HPSE2: variants seen among roughly 807,000 people sequenced by gnomAD.
The protein encoded by HPSE2 is inactive heparanase-2.
Under a neutral mutation model 60.5 loss-of-function variants are expected in HPSE2, and 38 were observed. The observed-to-expected ratio is 0.63, with a 90% CI of 0.48 to 0.82. The LOEUF (loss-of-function observed/expected upper bound fraction) is 0.82. HPSE2 is among the 40% of genes least tolerant of loss of function. HPSE2 has a pLI of 0.00. For synonymous variants in HPSE2, 295 were observed against 293.2 expected (o/e 1.01, Z -0.06); for missense variants, 713 against 740.4 (o/e 0.96, Z 0.43).
intron 7 of HPSE2, among the ~76,000 whole-genome samples, chr10:98,639,103 C>T (rs1052340939): frequency 1.3e-5 from 2 of 152,120 alleles, no homozygotes; most frequent in East Asian, 3.9e-4. Flanking sequence ...TAATGTGATG[C>T]CATGTGACTT....
rs777954128 is a variant in HPSE2, at chr10:98,461,771, A to G, written c.1614-2032T>C. On this transcript the variant is annotated intron_variant, in intron 11 of 11. Coordinates refer to ENST00000370552, the MANE Select transcript of HPSE2 (RefSeq NM_021828.5). ...AAACCTTTCTTCTGAAGAATTAGGT[A>G]ATGCCCTTTTAGATTCAGATGATCC... 10 of 1,585,780 alleles carry G rather than the reference A, an allele frequency of 6.3e-6. No individual in the cohort carries two copies. The South Asian group carries it at 1.2e-4, about 18-fold the overall frequency.
chr10:98,469,910 C>G (rs1183622170), intron 11 of HPSE2, among the ~76,000 whole-genome samples: 4 of 152,254 alleles, frequency 2.6e-5, no homozygotes, highest in Non-Finnish European at 5.9e-5. Context: ...ATTCATCTCT[C>G]TCTTTCTCAT....
At chr10:98,937,894 C>A (rs146105731) in intron 3 of HPSE2, among the ~76,000 whole-genome samples, 3,168 of 143,372 alleles carry the variant, frequency 0.022, 419 homozygotes, top group East Asian at 0.17. Flanking sequence ...GACAAAACTT[C>A]CAGAGGAACG....
At chr10:98,547,712 G>A (rs1943733410) in intron 9 of HPSE2, among the ~76,000 whole-genome samples, 1 of 150,342 alleles carries the variant, frequency 6.7e-6, no homozygotes, top group South Asian at 2.1e-4. Flanking sequence ...GCTAAATGAC[G>A]AGTTAATGGG....
intron 10 of HPSE2, among the ~76,000 whole-genome samples, chr10:98,485,032 AC>A (rs1398339629): frequency 3.9e-5 from 6 of 152,126 alleles, no homozygotes; most frequent in African/African-American, 1.4e-4. Flanking sequence ...TAGAAATAAC[AC>A]CCCTCCATCC....
chr10:98,672,651 C>T (rs1360541257), intron 6 of HPSE2, among the ~76,000 whole-genome samples: 1 of 152,150 alleles, frequency 6.6e-6, no homozygotes, highest in African/African-American at 2.4e-5. Context: ...AAACGTCTAT[C>T]AGAGTAAATG....
rs539693724 is a variant in HPSE2 at position 98,488,481 on chromosome 10, A to T, written c.1466+1570T>A. Among the ~76,000 whole-genome samples the T allele has an allele frequency of 8.5e-4, 129 of 152,314 alleles. 1 individual carries two copies. Among genetic ancestry groups the T allele is most frequent in the Non-Finnish European group, 2.9e-4 (20 of 68,026 alleles). The stretch of plus-strand genomic sequence containing the variant: ...ATATTAATGACAACTTCCCATGAGG[A>T]TGTTAAAGAATGAGGATGAACACTC... On this transcript the variant is annotated intron_variant, in intron 10 of 11. Coordinates refer to ENST00000370552, the MANE Select transcript of HPSE2 (RefSeq NM_021828.5).
At chr10:99,232,962 T>C (rs1365349233) in intron 1 of HPSE2, among the ~76,000 whole-genome samples, 2 of 152,260 alleles carry the variant, frequency 1.3e-5, no homozygotes, top group African/African-American at 2.4e-5. Context: ...AAAGCCGGCA[T>C]TGCCTCCGCA....
intron 6 of HPSE2, among the ~76,000 whole-genome samples, chr10:98,650,563 C>T (rs1276461995): frequency 6.6e-6 from 1 of 152,126 alleles, no homozygotes; most frequent in Admixed American, 6.5e-5. Context: ...GAGTGTCTAC[C>T]AGTGATTGGT....
At chr10:98,662,323 T>A (rs1343286431) in intron 6 of HPSE2, among the ~76,000 whole-genome samples, 1 of 152,154 alleles carries the variant, frequency 6.6e-6, no homozygotes, top group Non-Finnish European at 1.5e-5. Context: ...ACAGTGAACA[T>A]ACATGAATTA....
chr10:98,830,820 G>T (rs1009190536), intron 3 of HPSE2, among the ~76,000 whole-genome samples: 1 of 152,146 alleles, frequency 6.6e-6, no homozygotes, highest in African/African-American at 2.4e-5. Context: ...TAATCAATGG[G>T]AAAGGAAGGC....
At chr10:98,486,426 A>G (rs1234122312) in intron 10 of HPSE2, among the ~76,000 whole-genome samples, 5 of 151,750 alleles carry the variant, frequency 3.3e-5, no homozygotes, top group African/African-American at 1.2e-4. Context: ...CCCATGTCTC[A>G]CTCATGGGTG....
intron 3 of HPSE2, among the ~76,000 whole-genome samples, chr10:98,967,300 G>A (rs1202018710): frequency 1.3e-5 from 2 of 152,176 alleles, no homozygotes; most frequent in African/African-American, 4.8e-5. Context: ...TTATGATACT[G>A]TAGAATGCTA....
chr10:99,043,483 T>C (rs1399076430), intron 3 of HPSE2, among the ~76,000 whole-genome samples: 1 of 152,030 alleles, frequency 6.6e-6, no homozygotes, highest in Non-Finnish European at 1.5e-5. Context: ...AGAGTGAGAC[T>C]CCATCTCATA....
intron 3 of HPSE2, among the ~76,000 whole-genome samples, chr10:99,063,324 C>T (rs1401970147): frequency 6.6e-6 from 1 of 151,180 alleles, no homozygotes; most frequent in East Asian, 1.9e-4. Flanking sequence ...ATACAAACAA[C>T]ACACACACAG....
intron 3 of HPSE2, among the ~76,000 whole-genome samples, chr10:99,071,069 C>CTTTT (rs35699449): frequency 7.5e-6 from 1 of 132,594 alleles, no homozygotes; most frequent in African/African-American, 2.8e-5. Flanking sequence ...ATTTTTAATT[C>CTTTT]TTTTTTTTTT....
chr10:98,721,611 CATTAA>C (rs1467109571), intron 5 of HPSE2, 41 bp downstream of exon 5: 1 of 1,524,010 alleles, frequency 6.6e-7, no homozygotes, highest in Non-Finnish European at 9.1e-7. Flanking sequence ...TACATTAATT[CATTAA>C]ATGAACAATG....
intron 3 of HPSE2, among the ~76,000 whole-genome samples, chr10:99,045,373 C>T (rs138190208): frequency 9.9e-5 from 15 of 152,048 alleles, no homozygotes; most frequent in African/African-American, 3.4e-4. Context: ...AGAGGAAATG[C>T]CTTTGAGAAG....
intron 9 of HPSE2, among the ~76,000 whole-genome samples, chr10:98,492,481 A>G (rs887679484): frequency 2.7e-5 from 4 of 150,576 alleles, no homozygotes; most frequent in Admixed American, 6.6e-5. Context: ...CAGCCTGGGC[A>G]ACAGAACGAG....
Sources: gnomAD v4.1 joint callset for allele counts (sites outside exome capture counted in the v4.1 genomes callset) on GRCh38, gnomAD v4.1.1 for gene constraint, MANE v1.5 for transcripts, NCBI Gene and HGNC (gene_info 2026-07-23, HGNC 2026-07-21) for gene names.